PPP2R1B: variants seen among roughly 807,000 people sequenced by gnomAD.
The protein encoded by PPP2R1B is protein phosphatase 2 scaffold subunit Abeta.
In PPP2R1B, 58 loss-of-function variants were observed where a neutral mutation model predicts 72.7. The ratio of observed to expected loss-of-function variants is 0.80; its 90% confidence interval spans 0.65 to 0.99. PPP2R1B has a LOEUF of 0.99. PPP2R1B is among the 50% of genes least tolerant of loss of function. The pLI is 0.00. For missense variants in PPP2R1B, 695 were observed against 733.6 expected, an observed-to-expected ratio of 0.95 and a Z score of 0.61; for synonymous variants, 256 against 264.6, an observed-to-expected ratio of 0.97 and a Z score of 0.32.
chr11:111,723,435 C>T, downstream of PPP2R1B: 1 of 1,505,276 alleles, frequency 6.6e-7, no homozygotes, highest in Non-Finnish European at 9.0e-7. Flanking sequence ...ATTGCATTTA[C>T]ATTAAAATTG....
chr11:111,743,311 G>A lies in PPP2R1B; in HGVS notation c.1554+65C>T, dbSNP rs983237771. The A allele has an allele frequency of 1.2e-5, 17 of 1,444,746 alleles. No individual in the cohort carries two copies. The Admixed American group carries it at 2.4e-4, about 21-fold the overall frequency. The allele number at this position is 1,444,746 out of a possible 1,614,324, so 89.5% of individuals were successfully genotyped here. A position where few individuals can be genotyped will look rare whatever the true frequency, so the allele number is the denominator to read the frequency against. On this transcript the variant is annotated intron_variant, in intron 12 of 14. Coordinates refer to ENST00000527614, the MANE Select transcript of PPP2R1B (RefSeq NM_002716.5). ...TAGAAGACAGTATACTGATAATTCAGAAATAGTCATGAATAATTTTGCTTT... is the reference window on the plus strand; with the variant it reads ...TAGAAGACAGTATACTGATAATTCAAAAATAGTCATGAATAATTTTGCTTT...
chr11:111,757,925 C>T (rs973131912), intron 5 of PPP2R1B, among the ~76,000 whole-genome samples: 38 of 152,010 alleles, frequency 2.5e-4, no homozygotes, highest in African/African-American at 8.7e-4. Context: ...TCTATCTTAA[C>T]GATGACACCA....
At chr11:111,760,753 C>G in intron 4 of PPP2R1B, 66 bp downstream of exon 4, 1 of 1,434,068 alleles carries the variant, frequency 7.0e-7, no homozygotes, top group Non-Finnish European at 9.6e-7. Context: ...CCCCAGTAAT[C>G]CCAAATAACT....
At chr11:111,688,016 A>G in the PPP2R1B span, 5 of 1,614,032 alleles carry the variant, frequency 3.1e-6, no homozygotes, top group Non-Finnish European at 4.2e-6. This position sits in a 1 kb window ranked among gnomAD's most constrained non-coding sequence, Gnocchi z 4.2. Flanking sequence ...CTTGCTAATC[A>G]TGGCCGGTTA....
chr11:111,735,998 C>T (rs548172037), downstream of PPP2R1B, among the ~76,000 whole-genome samples: 14 of 152,198 alleles, frequency 9.2e-5, no homozygotes, highest in Middle Eastern at 3.4e-3. Flanking sequence ...AGTCATGGGG[C>T]GGGGGATTTT....
At chr11:111,749,004 C>T (rs889389197) in intron 10 of PPP2R1B, among the ~76,000 whole-genome samples, 3 of 151,886 alleles carry the variant, frequency 2.0e-5, no homozygotes, top group Admixed American at 6.6e-5. Flanking sequence ...GCAGCACATG[C>T]CCAGCTAATT....
intron 5 of PPP2R1B, among the ~76,000 whole-genome samples, chr11:111,756,778 G>A (rs10891291): frequency 0.35 from 53,783 of 152,064 alleles, 10,133 homozygotes; most frequent in East Asian, 0.63. Flanking sequence ...CAATGTCAAC[G>A]TGACACCTAC....
chr11:111,699,502 T>C, the PPP2R1B span, among the ~76,000 whole-genome samples: 1 of 152,128 alleles, frequency 6.6e-6, no homozygotes, highest in Non-Finnish European at 1.5e-5. Flanking sequence ...ACTACATTTA[T>C]AGATATGGAA....
At position 111,741,443 on chromosome 11, in the gene PPP2R1B, GAATT is replaced by G. The variant is rs1944515704; in HGVS notation, c.*149_*152del. On this transcript the variant is annotated 3_prime_UTR_variant, in exon 15 of 15. Transcript: ENST00000527614. The stretch of plus-strand genomic sequence containing the variant: ...AACAATCCCATTTCATCTTTAGAAA[GAATT>G]AAGTCACTAAATGATTTCTTCTAAG... The G allele has an allele frequency of 5.5e-6, 8 of 1,448,442 alleles. No homozygotes were observed. Among genetic ancestry groups the G allele is most frequent in the South Asian group, 1.6e-5 (1 of 64,202 alleles). 89.7% of individuals were successfully genotyped at this position (1,448,442 alleles called of 1,614,324 possible). A position where few individuals can be genotyped will look rare whatever the true frequency, so the allele number is the denominator to read the frequency against.
downstream of PPP2R1B, among the ~76,000 whole-genome samples, chr11:111,735,898 C>T (rs548987757): frequency 1.1e-4 from 16 of 152,360 alleles, no homozygotes; most frequent in Admixed American, 9.1e-4. Context: ...CCCTGACACA[C>T]AGGGCTCTGC....
chr11:111,762,284 C>T (rs547068928), intron 3 of PPP2R1B, among the ~76,000 whole-genome samples: 4 of 152,254 alleles, frequency 2.6e-5, no homozygotes, highest in Admixed American at 2.0e-4. Context: ...GTTTGATACA[C>T]ACAGGTAGAC....
chr11:111,721,174 CTGTT>C, the PPP2R1B span: 4 of 1,323,128 alleles, frequency 3.0e-6, no homozygotes, highest in East Asian at 7.3e-5. Context: ...AGCAAACAGG[CTGTT>C]TGGGAAAACC....
chr11:111,739,330 CT>C lies in PPP2R1B; in HGVS notation c.*2265del. 1 of 966,670 alleles carries C rather than the reference CT, an allele frequency of 1.0e-6. No individual in the cohort carries two copies. The highest frequency in any genetic ancestry group is 1.2e-6 in the Non-Finnish European group (1 of 822,410). The allele number at this position is 966,670 out of a possible 1,614,324, so 59.9% of individuals were successfully genotyped here. A position where few individuals can be genotyped will look rare whatever the true frequency, so the allele number is the denominator to read the frequency against. ...GAAATCAAGATAGGAGAACTTTTCCCTTAAGTTTAAGGTAGTTAAAAAAAAA... is the reference window on the plus strand; with the variant it reads ...GAAATCAAGATAGGAGAACTTTTCCCTAAGTTTAAGGTAGTTAAAAAAAAA... On this transcript the variant is annotated 3_prime_UTR_variant, in exon 15 of 15. Coordinates refer to ENST00000527614, the MANE Select transcript of PPP2R1B (RefSeq NM_002716.5).
intron 5 of PPP2R1B, among the ~76,000 whole-genome samples, chr11:111,758,900 G>T (rs1945225602): frequency 6.6e-6 from 1 of 152,066 alleles, no homozygotes; most frequent in South Asian, 2.1e-4. Flanking sequence ...GTAGGATTTA[G>T]ATCTTTAGAT....
At chr11:111,694,521 G>T in the PPP2R1B span, among the ~76,000 whole-genome samples, 1 of 152,044 alleles carries the variant, frequency 6.6e-6, no homozygotes, top group Non-Finnish European at 1.5e-5. Context: ...CAAGGTTTCT[G>T]TATATATGAT....
At chr11:111,724,342 CAT>C, downstream of PPP2R1B, 1 of 656,466 alleles carries the variant, frequency 1.5e-6, no homozygotes, top group East Asian at 2.9e-5. Context: ...AGTGCTGGAA[CAT>C]AGTTGTAGGC....
At chr11:111,742,501 A>G (rs1367868406) in intron 13 of PPP2R1B, 22 bp downstream of exon 13, 2 of 1,607,472 alleles carry the variant, frequency 1.2e-6, no homozygotes, top group East Asian at 2.2e-5. Flanking sequence ...TTTTAAAACA[A>G]GACTAAACAC....
Position 111,759,913 on chromosome 11 carries a change from A to G in PPP2R1B, c.578T>C (p.Val193Ala). Residue 193 changes from valine (V) to alanine (A), a missense_variant, in exon 5 of 15, where the codon GTA becomes GCA. Val to Ala is a moderately conservative substitution (Grantham distance 64). Transcript: ENST00000527614. ...CAATTTGGAAGCAGCAGCACGTCGT[A>G]CCATTGGTGTGTCATCTGAGCACAA... Reference protein sequence around the residue: ...RSLCSDDTPMVRRAAASKLGE... With the variant: ...RSLCSDDTPMARRAAASKLGE... 5 of 1,614,182 alleles carry G rather than the reference A, an allele frequency of 3.1e-6. No homozygotes were observed. Among genetic ancestry groups the G allele is most frequent in the Non-Finnish European group, 4.2e-6 (5 of 1,180,022 alleles).
intron 12 of PPP2R1B, among the ~76,000 whole-genome samples, chr11:111,742,995 G>A (rs1202778059): frequency 6.6e-6 from 1 of 151,868 alleles, no homozygotes; most frequent in Non-Finnish European, 1.5e-5. Flanking sequence ...CAAGGTTCAA[G>A]GGAGTCTCCT....
Sources: gnomAD v4.1 joint callset for allele counts (sites outside exome capture counted in the v4.1 genomes callset) on GRCh38, gnomAD v4.1.1 for gene constraint, Gnocchi (gnomAD v3.1) non-coding constraint, MANE v1.5 for transcripts, NCBI Gene and HGNC (gene_info 2026-07-23, HGNC 2026-07-21) for gene names.